NUDT18: variants seen among roughly 807,000 people sequenced by gnomAD.
NUDT18 encodes the protein nudix hydrolase 18.
A neutral mutation model predicts 27.6 loss-of-function variants in NUDT18; 26 were observed. The observed-to-expected ratio is 0.94, with a 90% CI of 0.69 to 1.31. NUDT18 has a LOEUF of 1.31. Ranked by LOEUF, NUDT18 falls within the 50% of genes most tolerant of loss-of-function variation. The pLI, the probability that NUDT18 is intolerant of heterozygous loss-of-function variation, is 0.00. For synonymous variants in NUDT18, 220 were observed against 196.9 expected, an observed-to-expected ratio of 1.12 and a Z score of -0.98; for missense variants, 450 against 433.4, an observed-to-expected ratio of 1.04 and a Z score of -0.34.
At position 22,107,287 on chromosome 8, in the gene NUDT18, C is replaced by T. The variant is rs767994135; in HGVS notation, c.*13G>A. 2.6e-6 allele frequency: 4 copies of T among 1,564,710 alleles called. No homozygotes were observed. On this transcript the variant is annotated 3_prime_UTR_variant, in exon 3 of 3. Transcript: ENST00000611621. ...GCACGGCTGCCTAGCTCCCTGTCACCTCCCCCACCTCTCTATCTGTTCACT... is the reference window on the plus strand; with the variant it reads ...GCACGGCTGCCTAGCTCCCTGTCACTTCCCCCACCTCTCTATCTGTTCACT...
chr8:22,108,350 AGAG>A lies in NUDT18; in HGVS notation c.163-7_163-5del. The stretch of plus-strand genomic sequence containing the variant: ...CCTGGATCAGTAGCACCTCATCCTG[AGAG>A]GAGAGAGGATCCTCACTTCCTGCCA... On this transcript the variant is annotated splice_region_variant and splice_polypyrimidine_tract_variant and intron_variant, in intron 1 of 2. Transcript: ENST00000611621. The A allele has an allele frequency of 6.4e-7, 1 of 1,559,444 alleles. No homozygotes were observed. Among genetic ancestry groups the A allele is most frequent in the Non-Finnish European group, 8.7e-7 (1 of 1,153,798 alleles).
In NUDT18 at chr8:22,107,109, T is replaced by G; in HGVS notation, c.*191A>C. ...CCTGAGCTTTGGACTCCTCGCTTGGTTAAAGGCACTGTCCCTTGTGCAATC... is the reference window on the plus strand; with the variant it reads ...CCTGAGCTTTGGACTCCTCGCTTGGGTAAAGGCACTGTCCCTTGTGCAATC... On this transcript the variant is annotated 3_prime_UTR_variant, in exon 3 of 3. Transcript: ENST00000611621. 1.7e-6 allele frequency: 1 copy of G among 577,252 alleles called. No individual in the cohort carries two copies. Among genetic ancestry groups the G allele is most frequent in the Non-Finnish European group, 3.1e-6 (1 of 326,022 alleles). The allele number at this position is 577,252 out of a possible 1,614,324, so 35.8% of individuals were successfully genotyped here.
Position 22,109,271 on chromosome 8 carries a change from C to T in NUDT18, c.30G>A (p.Leu10=), listed in dbSNP as rs1386863464. Residue 10 remains leucine (L), a synonymous_variant, in exon 1 of 3, where the codon CTG becomes CTA. Transcript: ENST00000611621. ...ACCCCTGGCCAGCCAGCACGGAAGC[C>T]AGCGCCCCCGCCAGGCCCTCCGAGG... MASEGLAGA[L]ASVLAGQGSS... is the part of the protein sequence containing the mutation. 69 of 1,397,260 alleles carry T rather than the reference C, an allele frequency of 4.9e-5. 1 individual carries two copies. The highest frequency in any genetic ancestry group is 2.5e-4 in the Middle Eastern group (1 of 3,968). The allele number at this position is 1,397,260 out of a possible 1,614,324, so 86.6% of individuals were successfully genotyped here.
intron 2 of NUDT18, 79 bp downstream of exon 2, chr8:22,108,054 T>C: frequency 7.1e-7 from 1 of 1,402,016 alleles, no homozygotes; most frequent in Non-Finnish European, 9.5e-7. Flanking sequence ...GGACTGGCTG[T>C]AGAGGGGCTC....
rs1305869718 is a variant in NUDT18, at chr8:22,106,947, CGAAGGGCCTGGAAG to C, written c.*339_*352del. ...ACCTTCCCCAGTGCCCCTCCATGCT[CGAAGGGCCTGGAAG>C]GATCAGAATGCAGGCCTTTCCCAAG... On this transcript the variant is annotated 3_prime_UTR_variant, in exon 3 of 3. Coordinates refer to ENST00000611621, the MANE Select transcript of NUDT18 (RefSeq NM_024815.4). 1.5e-5 allele frequency: 3 copies of C among 200,972 alleles called. No individual in the cohort carries two copies. The highest frequency in any genetic ancestry group is 3.0e-5 in the Non-Finnish European group (3 of 99,324). 12.4% of individuals were successfully genotyped at this position (200,972 alleles called of 1,614,324 possible).
Position 22,107,794 on chromosome 8 carries a change from G to A in NUDT18, c.478C>T (p.Leu160=). Residue 160 remains leucine (L), a synonymous_variant, in exon 3 of 3, where the codon CTG becomes TTG. Transcript: ENST00000611621. ...LPTPLRAHDI[L]HLVELAAQYR... is the part of the protein sequence containing the mutation. ...TGGGCGGCTAGTTCAACCAGGTGCAGGATGTCATGGGCTCGCAGCGGAGTG... is the reference window on the plus strand; with the variant it reads ...TGGGCGGCTAGTTCAACCAGGTGCAAGATGTCATGGGCTCGCAGCGGAGTG... 1 of 1,613,506 alleles carries A rather than the reference G, an allele frequency of 6.2e-7. No homozygotes were observed.
At chr8:22,109,736 G>A (rs762379237), upstream of NUDT18, 79 of 457,712 alleles carry the variant, frequency 1.7e-4, no homozygotes, top group South Asian at 1.2e-3. Context: ...CGCCGCCGGG[G>A]TAGGCGACGG....
intron 2 of NUDT18, 44 bp downstream of exon 2, chr8:22,108,089 G>GGT: frequency 6.9e-7 from 1 of 1,446,372 alleles, no homozygotes; most frequent in East Asian, 2.5e-5. Flanking sequence ...CTGGGGGAAA[G>GGT]GTGTCAACTG....
At position 22,109,357 on chromosome 8, in the gene NUDT18, G is replaced by T; in HGVS notation, c.-57C>A. 1.5e-6 allele frequency: 1 copy of T among 659,498 alleles called. No individual in the cohort carries two copies. The highest frequency in any genetic ancestry group is 4.4e-5 in the African/African-American group (1 of 22,852). 40.9% of individuals were successfully genotyped at this position (659,498 alleles called of 1,614,324 possible). ...TCGCAGACCGACTGAGCCGAGCCGCGGGCTAGAGTGCGCTGCGGAGCCCGC... is the reference window on the plus strand; with the variant it reads ...TCGCAGACCGACTGAGCCGAGCCGCTGGCTAGAGTGCGCTGCGGAGCCCGC... On this transcript the variant is annotated 5_prime_UTR_variant, in exon 1 of 3. Coordinates refer to ENST00000611621, the MANE Select transcript of NUDT18 (RefSeq NM_024815.4).
chr8:22,107,906 T>C lies in NUDT18; in HGVS notation c.377-11A>G, dbSNP rs762774460. On this transcript the variant is annotated splice_polypyrimidine_tract_variant and intron_variant, in intron 2 of 2. Coordinates refer to ENST00000611621, the MANE Select transcript of NUDT18 (RefSeq NM_024815.4). ...TCTTGAGAATTCCACCTGGGGGAGA[T>C]GTGGGGGATGGGGCAGGGAGGGTCT... 1 of 1,558,350 alleles carries C rather than the reference T, an allele frequency of 6.4e-7. No individual in the cohort carries two copies. Among genetic ancestry groups the C allele is most frequent in the Non-Finnish European group, 8.7e-7 (1 of 1,148,346 alleles).
chr8:22,108,217 GC>G lies in NUDT18; in HGVS notation c.291del (p.Leu98CysfsTer68). ...ALQREVKEEA[G>X]LHCEPETLLS... ...AGCAGTGTCTCGGGCTCACAGTGCA[GC>G]CCCGCCTCCTCCTTCACCTCCCGCT... On this transcript the variant is annotated frameshift_variant, in exon 2 of 3. Transcript: ENST00000611621. LOFTEE classifies it high-confidence loss of function. 6.3e-7 allele frequency: 1 copy of G among 1,596,580 alleles called. No individual in the cohort carries two copies. The highest frequency in any genetic ancestry group is 8.5e-7 in the Non-Finnish European group (1 of 1,172,494).
At chr8:22,108,986 C>G (rs546567677) in intron 1 of NUDT18, among the ~76,000 whole-genome samples, 153 bp downstream of exon 1, 2 of 152,344 alleles carry the variant, frequency 1.3e-5, no homozygotes, top group African/African-American at 4.8e-5. Flanking sequence ...GGGACGAACG[C>G]AGGACACAGA....
chr8:22,108,102 C>T lies in NUDT18; in HGVS notation c.376+31G>A, dbSNP rs1404961761. The T allele has an allele frequency of 2.7e-6, 4 of 1,471,982 alleles. No individual in the cohort carries two copies. In the South Asian group the frequency reaches 5.7e-5, roughly 21 times the overall value. The allele number at this position is 1,471,982 out of a possible 1,614,324, so 91.2% of individuals were successfully genotyped here. On this transcript the variant is annotated intron_variant, in intron 2 of 2. Transcript: ENST00000611621. ...AGCTGGGGGAAAGGTGTCAACTGGC[C>T]CTGTTCACACTGCCTCCAGGTGGGC...
Position 22,109,378 on chromosome 8 carries a change from C to CCCGCTCCCTGTCCCTGCGGAGA in NUDT18, c.-79_-78insTCTCCGCAGGGACAGGGAGCGG. 8.4e-7 allele frequency: 1 copy of CCCGCTCCCTGTCCCTGCGGAGA among 1,195,272 alleles called. No homozygotes were observed. 74.0% of individuals were successfully genotyped at this position (1,195,272 alleles called of 1,614,324 possible). ...CCGCGGGCTAGAGTGCGCTGCGGAG[C>CCCGCTCCCTGTCCCTGCGGAGA]CCGCTCCCAGTCCCTGCGGCAGCGG... On this transcript the variant is annotated 5_prime_UTR_variant, in exon 1 of 3. Coordinates refer to ENST00000611621, the MANE Select transcript of NUDT18 (RefSeq NM_024815.4).
rs373759972 is a variant in NUDT18, at chr8:22,107,815, G to C, written c.457C>G (p.Pro153Ala). 44 of 1,612,990 alleles carry C rather than the reference G, an allele frequency of 2.7e-5. No individual in the cohort carries two copies. The highest frequency in any genetic ancestry group is 4.0e-5 in the African/African-American group (3 of 74,936). Residue 153 changes from proline to alanine, a missense_variant, in exon 3 of 3, where the codon CCG becomes GCG. Physicochemically the swap from Pro to Ala is conservative, Grantham distance 27 (BLOSUM62 -1). Transcript: ENST00000611621. The part of the protein sequence containing the change: ...AWYPRTSLPT[P>A]LRAHDILHLV... The stretch of plus-strand genomic sequence containing the variant: ...TGCAGGATGTCATGGGCTCGCAGCG[G>C]AGTGGGCAGGGAGGTCCGTGGGTAC...
chr8:22,109,845 A>T (rs1340811350), upstream of NUDT18: 2 of 434,036 alleles, frequency 4.6e-6, no homozygotes, highest in Non-Finnish European at 9.3e-6. Context: ...GCCGGAGTTG[A>T]TCATATCCCA....
intron 2 of NUDT18, 67 bp from the exon 3 acceptor site, chr8:22,107,962 C>A: frequency 7.1e-7 from 1 of 1,407,754 alleles, no homozygotes; most frequent in Non-Finnish European, 9.5e-7. Context: ...CTGGCAGAGT[C>A]AACAGACATC....
Position 22,109,397 on chromosome 8 carries a change from G to GAGAC in NUDT18, c.-98_-97insGTCT, listed in dbSNP as rs71204536. On this transcript the variant is annotated 5_prime_UTR_variant, in exon 1 of 3. Transcript: ENST00000611621. ...GCGGAGCCCGCTCCCAGTCCCTGCGGCAGCGGGCCGGGAGCTCACGAGAAC... is the reference window on the plus strand; with the variant it reads ...GCGGAGCCCGCTCCCAGTCCCTGCGGAGACCAGCGGGCCGGGAGCTCACGAGAAC... The GAGAC allele has an allele frequency of 2.8e-4, 326 of 1,169,906 alleles. No individual in the cohort carries two copies. Among genetic ancestry groups the GAGAC allele is most frequent in the Non-Finnish European group, 3.3e-4 (302 of 901,880 alleles). The allele number at this position is 1,169,906 out of a possible 1,614,324, so 72.5% of individuals were successfully genotyped here.
At position 22,108,354 on chromosome 8, in the gene NUDT18, G is replaced by A. The variant is rs763502522; in HGVS notation, c.163-8C>T. On this transcript the variant is annotated splice_polypyrimidine_tract_variant and splice_region_variant and intron_variant, in intron 1 of 2. Coordinates refer to ENST00000611621, the MANE Select transcript of NUDT18 (RefSeq NM_024815.4). Reference sequence around the variant, plus strand: ...GATCAGTAGCACCTCATCCTGAGAGGAGAGAGGATCCTCACTTCCTGCCAC... The same window carrying A: ...GATCAGTAGCACCTCATCCTGAGAGAAGAGAGGATCCTCACTTCCTGCCAC... 15 of 1,559,472 alleles carry A rather than the reference G, an allele frequency of 9.6e-6. No individual in the cohort carries two copies. The highest frequency in any genetic ancestry group is 5.5e-5 in the African/African-American group (4 of 73,356).
Sources: gnomAD v4.1 joint callset for allele counts (sites outside exome capture counted in the v4.1 genomes callset) on GRCh38, gnomAD v4.1.1 for gene constraint, MANE v1.5 for transcripts, NCBI Gene and HGNC (gene_info 2026-07-23, HGNC 2026-07-21) for gene names.